LUZP2: variants seen among roughly 807,000 people sequenced by gnomAD.
LUZP2 encodes leucine zipper protein 2.
LUZP2 carries 52 observed loss-of-function variants against 51.6 expected under a neutral mutation model. That is an observed-to-expected ratio of 1.01 (90% CI 0.81 to 1.27). The LOEUF is 1.27. Among genes scored for constraint, LUZP2 ranks in the 50% most tolerant of loss-of-function variants. The probability of loss-of-function intolerance (pLI) is 0.00; values close to 1 mark genes in which losing one functional copy is unlikely to be tolerated. For synonymous variants in LUZP2, 154 were observed against 137.3 expected (o/e 1.12, Z -0.85); for missense variants, 436 against 395.4 (o/e 1.10, Z -0.87).
intron 10 of LUZP2, among the ~76,000 whole-genome samples, chr11:25,070,659 T>C (rs1056536973): frequency 3.4e-4 from 51 of 151,988 alleles, no homozygotes; most frequent in African/African-American, 1.2e-3. Flanking sequence ...GAATATGTGT[T>C]GTAAAATAAT....
intron 7 of LUZP2, among the ~76,000 whole-genome samples, chr11:24,927,381 T>G (rs1854309964): frequency 6.6e-6 from 1 of 152,262 alleles, no homozygotes; most frequent in South Asian, 2.1e-4. Flanking sequence ...CTAGAATTTT[T>G]ATGGCTTCAG....
intron 1 of LUZP2, among the ~76,000 whole-genome samples, chr11:24,722,609 G>T (rs540946528): frequency 6.6e-6 from 1 of 152,152 alleles, no homozygotes; most frequent in East Asian, 1.9e-4. Context: ...TTCATTAAAA[G>T]ATACCATTAA....
At chr11:24,968,827 A>C (rs1006784248) in intron 7 of LUZP2, among the ~76,000 whole-genome samples, 7 of 152,214 alleles carry the variant, frequency 4.6e-5, no homozygotes, top group Non-Finnish European at 1.0e-4. Flanking sequence ...CTTGGTTAAG[A>C]AATTGCCATC....
At chr11:24,800,058 A>C (rs1849654116) in intron 5 of LUZP2, among the ~76,000 whole-genome samples, 1 of 152,118 alleles carries the variant, frequency 6.6e-6, no homozygotes, top group South Asian at 2.1e-4. Context: ...ATTTTAGAAC[A>C]TTTCAGCAGC....
intron 1 of LUZP2, among the ~76,000 whole-genome samples, chr11:24,597,874 G>A (rs1853494458): frequency 6.6e-6 from 1 of 152,052 alleles, no homozygotes; most frequent in South Asian, 2.1e-4. Context: ...GGCCAAGGCG[G>A]GTGGAACACT....
chr11:24,796,775 A>C (rs1849559672), intron 5 of LUZP2, among the ~76,000 whole-genome samples: 1 of 152,132 alleles, frequency 6.6e-6, no homozygotes, highest in East Asian at 1.9e-4. Context: ...TAGATACTAC[A>C]CAAGTTTTTT....
intron 5 of LUZP2, among the ~76,000 whole-genome samples, chr11:24,799,468 C>A (rs529961264): frequency 6.6e-6 from 1 of 151,700 alleles, no homozygotes. Flanking sequence ...TGGTGGCAGG[C>A]GCCTGTAATC....
chr11:24,894,154 G>A (rs1455639073), intron 5 of LUZP2, among the ~76,000 whole-genome samples: 2 of 150,084 alleles, frequency 1.3e-5, no homozygotes, highest in Non-Finnish European at 3.0e-5. Context: ...TATTTTTAAC[G>A]AATCTTTTCT....
At chr11:24,729,144 C>T in intron 1 of LUZP2, 25 bp from the exon 2 acceptor site, 1 of 1,334,180 alleles carries the variant, frequency 7.5e-7, no homozygotes, top group Non-Finnish European at 1.0e-6. Flanking sequence ...TTGGGGGGCT[C>T]TCATGCCTGT....
At chr11:24,716,724 T>C (rs929625711) in intron 1 of LUZP2, among the ~76,000 whole-genome samples, 1 of 151,990 alleles carries the variant, frequency 6.6e-6, no homozygotes, top group Non-Finnish European at 1.5e-5. Context: ...GGTGAAACCC[T>C]ATCTGTACTA....
chr11:24,650,690 C>T (rs958862595), intron 1 of LUZP2, among the ~76,000 whole-genome samples: 4 of 152,142 alleles, frequency 2.6e-5, no homozygotes, highest in South Asian at 4.1e-4. Context: ...TACATAATCC[C>T]GTGAGATTTC....
intron 5 of LUZP2, among the ~76,000 whole-genome samples, chr11:24,789,612 A>G (rs1184021707): frequency 6.6e-6 from 1 of 152,192 alleles, no homozygotes; most frequent in African/African-American, 2.4e-5. Flanking sequence ...TCAGGCTGCC[A>G]TAACAAAATG....
rs1334440140 is a variant in LUZP2, at chr11:24,961,887, G to A, written c.523-14704G>A. ...GCATGATTTTGCAGTGGCTGGTACCGGTTGTTCCTTTCCATGTTTAGTGCT... is the reference window on the plus strand; with the variant it reads ...GCATGATTTTGCAGTGGCTGGTACCAGTTGTTCCTTTCCATGTTTAGTGCT... On this transcript the variant is annotated intron_variant, in intron 7 of 11. Transcript: ENST00000336930. 6.7e-3 allele frequency among the ~76,000 whole-genome samples: 993 copies of A among 149,318 alleles called. 10 individuals are homozygous for A. Among genetic ancestry groups the A allele is most frequent in the African/African-American group, 0.022 (875 of 40,308 alleles).
At chr11:24,874,610 A>G (rs1436782249) in intron 5 of LUZP2, among the ~76,000 whole-genome samples, 3 of 152,128 alleles carry the variant, frequency 2.0e-5, no homozygotes, top group Admixed American at 1.3e-4. Flanking sequence ...AATATTGACT[A>G]AGTCCTTCAT....
chr11:24,863,450 T>TAA (rs1462871733), intron 5 of LUZP2, among the ~76,000 whole-genome samples: 1 of 152,092 alleles, frequency 6.6e-6, no homozygotes, highest in Non-Finnish European at 1.5e-5. Context: ...TCCATTCATA[T>TAA]AAGACCATAT....
intron 6 of LUZP2, among the ~76,000 whole-genome samples, chr11:24,909,348 A>G (rs1287202437): frequency 1.3e-5 from 2 of 151,998 alleles, no homozygotes; most frequent in African/African-American, 4.8e-5. Context: ...AAAAATGAAC[A>G]CCTCAAATTG....
intron 1 of LUZP2, among the ~76,000 whole-genome samples, chr11:24,525,448 G>T (rs1322333569): frequency 6.6e-6 from 1 of 151,344 alleles, no homozygotes; most frequent in East Asian, 1.9e-4. Flanking sequence ...CCAGGGAGAG[G>T]AATCAGTCTG....
At chr11:24,774,362 C>CTA (rs1554989374) in intron 5 of LUZP2, among the ~76,000 whole-genome samples, 43 of 76,326 alleles carry the variant, frequency 5.6e-4, no homozygotes, top group East Asian at 9.6e-4. Context: ...CTCTCTCTCT[C>CTA]TATATATATA....
At chr11:24,666,022 T>C (rs1031399713) in intron 1 of LUZP2, among the ~76,000 whole-genome samples, 3 of 152,166 alleles carry the variant, frequency 2.0e-5, no homozygotes, top group African/African-American at 7.2e-5. Context: ...CTGATGCAGG[T>C]AGTCTGATCA....
Sources: gnomAD v4.1 joint callset for allele counts (sites outside exome capture counted in the v4.1 genomes callset) on GRCh38, gnomAD v4.1.1 for gene constraint, MANE v1.5 for transcripts, NCBI Gene and HGNC (gene_info 2026-07-23, HGNC 2026-07-21) for gene names.